The following CRISPLD2 variants were observed in gnomAD, a reference collection of about 807,000 sequenced individuals.
CRISPLD2 encodes cysteine-rich secretory protein LCCL domain-containing 2.
Under a neutral mutation model 71.1 loss-of-function variants are expected in CRISPLD2, and 47 were observed. The ratio of observed to expected loss-of-function variants is 0.66; its 90% CI spans 0.52 to 0.84. The LOEUF is 0.84. Among genes scored for constraint, CRISPLD2 ranks in the 40% least tolerant of loss-of-function variants. CRISPLD2 has a pLI of 0.00. For missense variants in CRISPLD2, 830 were observed against 651.1 expected, an observed-to-expected ratio of 1.27 and a Z score of -2.99; for synonymous variants, 317 against 250.1, an observed-to-expected ratio of 1.27 and a Z score of -2.52.
chr16:84,875,905 G>C (rs1181575296), intron 11 of CRISPLD2, among the ~76,000 whole-genome samples: 1 of 151,928 alleles, frequency 6.6e-6, no homozygotes, highest in Non-Finnish European at 1.5e-5. Flanking sequence ...AACCTAATGT[G>C]AATGATCTCC....
intron 1 of CRISPLD2, among the ~76,000 whole-genome samples, chr16:84,833,404 A>C (rs548849940): frequency 2.6e-5 from 4 of 152,254 alleles, no homozygotes; most frequent in South Asian, 4.1e-4. Context: ...TCTAGAGAGC[A>C]TTTCTGCTGT....
chr16:84,821,707 A>T (rs1916234973), intron 1 of CRISPLD2, among the ~76,000 whole-genome samples: 1 of 152,212 alleles, frequency 6.6e-6, no homozygotes, highest in South Asian at 2.1e-4. Flanking sequence ...CAGGGAGGAG[A>T]AACCAAGAGG....
Position 84,850,642 on chromosome 16 carries a change from T to G in CRISPLD2, c.567T>G (p.Val189=). The G allele has an allele frequency of 6.2e-7, 1 of 1,614,148 alleles. No individual in the cohort carries two copies. The highest frequency in any genetic ancestry group is 1.1e-5 in the South Asian group (1 of 91,084). ...TCRKMTVWGE[V]WENAVYFVCN... The stretch of plus-strand genomic sequence containing the variant: ...GGAAGATGACTGTCTGGGGAGAAGT[T>G]TGGGAGAACGCGGTCTACTTTGTCT... The change falls in exon 5 of 15, where the codon GTT becomes GTG. Residue 189 remains valine, a synonymous_variant. Transcript: ENST00000262424.
chr16:84,834,169 A>G (rs1054741980), intron 1 of CRISPLD2, among the ~76,000 whole-genome samples: 1 of 152,098 alleles, frequency 6.6e-6, no homozygotes, highest in Non-Finnish European at 1.5e-5. Context: ...CAGACTCTGG[A>G]AAGTCAGGAG....
chr16:84,857,394 A>C (rs565749831), intron 6 of CRISPLD2, among the ~76,000 whole-genome samples: 2 of 152,270 alleles, frequency 1.3e-5, no homozygotes, highest in South Asian at 2.1e-4. Context: ...GTTCGTGACC[A>C]CTCAGAGAGA....
chr16:84,850,782 A>C lies in CRISPLD2; in HGVS notation c.608+99A>C, dbSNP rs1917067633. 4.8e-6 allele frequency: 4 copies of C among 831,058 alleles called. No homozygotes were observed. The South Asian group carries it at 5.8e-5, about 12-fold the overall frequency. 51.5% of individuals were successfully genotyped at this position (831,058 alleles called of 1,614,324 possible). On this transcript the variant is annotated intron_variant, in intron 5 of 14. Coordinates refer to ENST00000262424, the MANE Select transcript of CRISPLD2 (RefSeq NM_031476.4). ...ACTGGCTTGAGCAGCGAAGTCTTTA[A>C]TATCTCACATAACAAAGAATCTAGA...
intron 1 of CRISPLD2, chr16:84,836,290 A>C (rs1916616992): frequency 1.3e-5 from 2 of 152,178 alleles, no homozygotes; most frequent in Admixed American, 1.3e-4. Context: ...ACCTCAACCC[A>C]GCGTCAGAGT....
Position 84,843,239 on chromosome 16 carries a change from G to C in CRISPLD2, c.241-2547G>C, listed in dbSNP as rs984552420. Among the ~76,000 whole-genome samples the C allele has an allele frequency of 3.3e-5, 5 of 152,264 alleles. No individual in the cohort carries two copies. The East Asian group carries it at 7.7e-4, about 23-fold the overall frequency. On this transcript the variant is annotated intron_variant, in intron 2 of 14. Coordinates refer to ENST00000262424, the MANE Select transcript of CRISPLD2 (RefSeq NM_031476.4). Reference sequence around the variant, plus strand: ...AGGCTGAAAGGATGGGGTGGCAGGGGCCCTGCCACTCAGCCCGGCACCCTC... The same window carrying C: ...AGGCTGAAAGGATGGGGTGGCAGGGCCCCTGCCACTCAGCCCGGCACCCTC...
At chr16:84,894,893 G>C (rs1461025960) in intron 14 of CRISPLD2, among the ~76,000 whole-genome samples, 1 of 152,014 alleles carries the variant, frequency 6.6e-6, no homozygotes, top group Non-Finnish European at 1.5e-5. Flanking sequence ...TCAAGGGTCA[G>C]GTGACTGAAG....
chr16:84,889,270 T>C lies in CRISPLD2; in HGVS notation c.1346T>C (p.Ile449Thr), dbSNP rs774613732. Residue 449 changes from isoleucine to threonine, a missense_variant, in exon 14 of 15, where the codon ATC becomes ACC. Transcript: ENST00000262424. ...AAGACAGCCGTGCACGCGGGAGTCA[T>C]CAGCAACGAGAGTGGGGGTGACGTG... ...ICKTAVHAGV[I>T]SNESGGDVDV... The C allele has an allele frequency of 2.5e-6, 4 of 1,614,062 alleles. No individual in the cohort carries two copies. The Admixed American group carries it at 6.7e-5, about 27-fold the overall frequency.
chr16:84,876,159 A>T (rs982354119), intron 11 of CRISPLD2, among the ~76,000 whole-genome samples: 27 of 152,226 alleles, frequency 1.8e-4, no homozygotes, highest in African/African-American at 6.5e-4. Flanking sequence ...CTTGACATCA[A>T]ACATAAGGAC....
At chr16:84,845,090 G>T (rs1847291313) in intron 2 of CRISPLD2, among the ~76,000 whole-genome samples, 2 of 152,200 alleles carry the variant, frequency 1.3e-5, no homozygotes, top group African/African-American at 4.8e-5. Flanking sequence ...ACACATAACT[G>T]CGTACATGGA....
chr16:84,879,763 G>C (rs1176905981), intron 12 of CRISPLD2, among the ~76,000 whole-genome samples: 1 of 151,664 alleles, frequency 6.6e-6, no homozygotes, highest in African/African-American at 2.4e-5. Flanking sequence ...CAGTCCCTTT[G>C]CCTGGCCTTC....
In CRISPLD2 at chr16:84,824,283, G is replaced by A. The variant is rs546607701; in HGVS notation, c.-75+4150G>A. 2.0e-5 allele frequency among the ~76,000 whole-genome samples: 3 copies of A among 152,324 alleles called. No individual in the cohort carries two copies. In the South Asian group the frequency reaches 6.2e-4, roughly 32 times the overall value. On this transcript the variant is annotated intron_variant, in intron 1 of 14. Transcript: ENST00000262424. ...GGCAGCAAAGGTCTGTCCTGCAGGT[G>A]TTGTGATGAGCTGTACCACTTAGTG...
At chr16:84,855,889 TA>T (rs1917226296) in intron 6 of CRISPLD2, among the ~76,000 whole-genome samples, 2 of 152,238 alleles carry the variant, frequency 1.3e-5, no homozygotes, top group Non-Finnish European at 2.9e-5. Flanking sequence ...ATGAAGTTAA[TA>T]AATCTTATGT....
At chr16:84,831,703 G>A (rs1163926630) in intron 1 of CRISPLD2, among the ~76,000 whole-genome samples, 16 of 152,116 alleles carry the variant, frequency 1.1e-4, no homozygotes, top group Non-Finnish European at 1.6e-4. Context: ...ACCGCACCTG[G>A]CCTAATAGGA....
intron 6 of CRISPLD2, among the ~76,000 whole-genome samples, chr16:84,856,945 C>G (rs1370240275): frequency 6.6e-6 from 1 of 152,214 alleles, no homozygotes; most frequent in East Asian, 1.9e-4. Flanking sequence ...TTGGCAGAAG[C>G]ATTGCACGCA....
At chr16:84,889,585 G>GA (rs59814018) in intron 14 of CRISPLD2, among the ~76,000 whole-genome samples, 27,982 of 149,248 alleles carry the variant, frequency 0.19, 2,846 homozygotes, top group South Asian at 0.28. Context: ...TTGGGATTAA[G>GA]AAAAAAAAAA....
intron 1 of CRISPLD2, among the ~76,000 whole-genome samples, chr16:84,826,556 C>T (rs1341290351): frequency 3.3e-5 from 5 of 152,250 alleles, no homozygotes; most frequent in African/African-American, 9.6e-5. Flanking sequence ...TGCCATCTCT[C>T]CCTCCTGCCC....
Sources: gnomAD v4.1 joint callset for allele counts (sites outside exome capture counted in the v4.1 genomes callset) on GRCh38, gnomAD v4.1.1 for gene constraint, MANE v1.5 for transcripts, NCBI Gene and HGNC (gene_info 2026-07-23, HGNC 2026-07-21) for gene names.